The following LVRN variants were observed in gnomAD, a reference collection of about 807,000 sequenced individuals.
LVRN encodes laeverin.
A neutral mutation model predicts 111.4 loss-of-function variants in LVRN; 99 were observed. The observed-to-expected ratio is 0.89, with a 90% CI of 0.76 to 1.05. The LOEUF (loss-of-function observed/expected upper bound fraction) is 1.05, where lower values mean the gene tolerates loss of function less well. LVRN is among the 50% of genes least tolerant of loss of function. The probability of loss-of-function intolerance (pLI) is 0.00; values close to 1 mark genes in which losing one functional copy is unlikely to be tolerated. For synonymous variants in LVRN, 488 were observed against 449.5 expected, an observed-to-expected ratio of 1.09 and a Z score of -1.08; for missense variants, 1,414 against 1,206.8, an observed-to-expected ratio of 1.17 and a Z score of -2.54.
intron 6 of LVRN, among the ~76,000 whole-genome samples, chr5:115,994,071 T>C (rs947100088): frequency 1.3e-5 from 2 of 152,168 alleles, no homozygotes; most frequent in African/African-American, 4.8e-5. Context: ...ACATAAAATT[T>C]TGTATTGCTT....
intron 18 of LVRN, among the ~76,000 whole-genome samples, chr5:116,016,312 A>C (rs1748601547): frequency 6.6e-6 from 1 of 152,236 alleles, no homozygotes; most frequent in Non-Finnish European, 1.5e-5. Context: ...ATACATCTGA[A>C]TATTTAATTA....
chr5:116,001,315 T>C (rs1406606656), intron 10 of LVRN, 76 bp downstream of exon 10: 1 of 1,511,598 alleles, frequency 6.6e-7, no homozygotes, highest in Non-Finnish European at 9.1e-7. Flanking sequence ...AGCCTGTGGG[T>C]GAAGAAGCGT....
chr5:116,017,023 G>A (rs1239826638), intron 18 of LVRN, among the ~76,000 whole-genome samples: 4 of 152,230 alleles, frequency 2.6e-5, no homozygotes, highest in Non-Finnish European at 4.4e-5. Context: ...AAAGGATTAG[G>A]ACTTGGTATC....
rs1748576378 is a variant in LVRN at position 116,015,321 on chromosome 5, C to T, written c.2520C>T (p.Asp840=). Residue 840 remains aspartate, a synonymous_variant, in exon 17 of 20, where the codon GAC becomes GAT. Transcript: ENST00000357872. ...GIALGSDKEW[D]ILLNTYTNTT... is the part of the protein sequence containing the mutation. ...CCTTGGGAAGTGATAAAGAGTGGGA[C>T]ATCTTGTTAAATACTTACACTAATA... 6 of 1,612,026 alleles carry T rather than the reference C, an allele frequency of 3.7e-6. No homozygotes were observed. The highest frequency in any genetic ancestry group is 5.1e-6 in the Non-Finnish European group (6 of 1,179,094).
chr5:115,977,914 G>A (rs1263673420), intron 1 of LVRN, among the ~76,000 whole-genome samples: 3 of 152,088 alleles, frequency 2.0e-5, no homozygotes, highest in Non-Finnish European at 2.9e-5. Flanking sequence ...AGAAAAGAAG[G>A]AACTGAAAGA....
At chr5:116,015,229 T>C (rs758941715) in intron 16 of LVRN, 23 bp from the exon 17 acceptor site, 2 of 1,518,040 alleles carry the variant, frequency 1.3e-6, no homozygotes, top group Non-Finnish European at 1.8e-6. Flanking sequence ...ATGAAAAATA[T>C]CATTTTATGT....
chr5:115,989,106 C>T (rs777695990), intron 4 of LVRN, among the ~76,000 whole-genome samples: 7 of 152,108 alleles, frequency 4.6e-5, no homozygotes, highest in Non-Finnish European at 7.4e-5. Context: ...CACATTCCCT[C>T]CAAGCCATCC....
In LVRN at chr5:116,014,487, A is replaced by G. The variant is rs192782620; in HGVS notation, c.2410A>G (p.Lys804Glu). The G allele has an allele frequency of 6.2e-7, 1 of 1,613,688 alleles. No homozygotes were observed. The highest frequency in any genetic ancestry group is 2.2e-5 in the East Asian group (1 of 44,864). Residue 804 changes from lysine to glutamate, a missense_variant, in exon 16 of 20, where the codon AAA becomes GAA. Lys to Glu is a moderately conservative substitution (Grantham distance 56). Transcript: ENST00000357872. ...LGLEDCLQLS[K>E]ELFAKWVDHP... The stretch of plus-strand genomic sequence containing the variant: ...CCTTGAAGACTGCCTTCAGCTGTCA[A>G]AAGAACTTTTCGCAAAATGGGTGGA...
chr5:115,970,617 C>G (rs188456291), intron 1 of LVRN, among the ~76,000 whole-genome samples: 84 of 152,230 alleles, frequency 5.5e-4, no homozygotes, highest in Middle Eastern at 3.4e-3. Context: ...GATATTCTGA[C>G]CTTGTGATCC....
At chr5:115,994,052 G>A (rs1748053997) in intron 6 of LVRN, among the ~76,000 whole-genome samples, 198 bp downstream of exon 6, 1 of 151,210 alleles carries the variant, frequency 6.6e-6, no homozygotes, top group African/African-American at 2.4e-5. Context: ...GTTTTTGAAG[G>A]TGGGAATTAC....
Position 115,993,740 on chromosome 5 carries a change from G to T in LVRN, c.1261-1G>T. The T allele has an allele frequency of 1.9e-6, 3 of 1,586,504 alleles. No individual in the cohort carries two copies. The highest frequency in any genetic ancestry group is 2.6e-6 in the Non-Finnish European group (3 of 1,165,092). On this transcript the variant is annotated splice_acceptor_variant, in intron 5 of 19. Transcript: ENST00000357872. LOFTEE classifies it high-confidence loss of function. ...TCTTTTTTTCTTCTCATTTCCAAAA[G>T]TGGTTTGGAAACTTGGTTACCATGA...
chr5:116,017,581 G>A (rs1748628195), intron 18 of LVRN, among the ~76,000 whole-genome samples: 1 of 152,060 alleles, frequency 6.6e-6, no homozygotes, highest in Non-Finnish European at 1.5e-5. Flanking sequence ...CTAGATATAT[G>A]GTATGTCAAA....
intron 1 of LVRN, chr5:115,976,365 T>G (rs1753449743): frequency 6.6e-6 from 1 of 152,242 alleles, no homozygotes; most frequent in African/African-American, 2.4e-5. Flanking sequence ...AAGATTTATC[T>G]ATTTTACTAA....
intron 10 of LVRN, 58 bp downstream of exon 10, chr5:116,001,297 T>A: frequency 1.9e-6 from 3 of 1,571,944 alleles, no homozygotes; most frequent in Non-Finnish European, 2.6e-6. Context: ...TCTGACCCAA[T>A]GGAATCCAGC....
intron 13 of LVRN, among the ~76,000 whole-genome samples, chr5:116,008,422 G>A (rs994732128): frequency 6.6e-6 from 1 of 152,072 alleles, no homozygotes; most frequent in African/African-American, 2.4e-5. Flanking sequence ...AAGTGAAAGG[G>A]GGAGTCCTGA....
chr5:116,018,130 A>G (rs562940410), intron 18 of LVRN, among the ~76,000 whole-genome samples: 1 of 152,268 alleles, frequency 6.6e-6, no homozygotes, highest in East Asian at 1.9e-4. Context: ...ACGTGTTTAT[A>G]TATGCAATAA....
chr5:115,983,673 C>A (rs147927258), intron 2 of LVRN, among the ~76,000 whole-genome samples: 29 of 152,278 alleles, frequency 1.9e-4, no homozygotes, highest in Admixed American at 7.2e-4. Context: ...AGTCTGCCTG[C>A]CACTTAGTTT....
At chr5:116,008,211 G>A (rs560408035) in intron 13 of LVRN, among the ~76,000 whole-genome samples, 13 of 152,244 alleles carry the variant, frequency 8.5e-5, no homozygotes, top group African/African-American at 2.9e-4. Context: ...AGGTGTGGTG[G>A]TGGGCACCTG....
At chr5:116,003,176 T>A in intron 11 of LVRN, 65 bp from the exon 12 acceptor site, 1 of 1,377,266 alleles carries the variant, frequency 7.3e-7, no homozygotes, top group South Asian at 1.3e-5. Context: ...GAGTGTGTAG[T>A]ATTAATAGGT....
Sources: allele counts gnomAD v4.1 joint callset (sites outside exome capture counted in the v4.1 genomes callset), GRCh38; gene constraint gnomAD v4.1.1; transcripts MANE v1.5; gene names NCBI Gene and HGNC (gene_info 2026-07-23, HGNC 2026-07-21).